SCAI: variants seen among roughly 807,000 people sequenced by gnomAD.
The protein encoded by SCAI is suppressor of cancer cell invasion.
A neutral mutation model predicts 92.2 loss-of-function variants in SCAI; 24 were observed. The observed-to-expected ratio is 0.26, with a 90% confidence interval of 0.19 to 0.37. SCAI has a LOEUF of 0.37. Ranked by LOEUF, SCAI falls within the 10% of genes least tolerant of loss-of-function variation. The probability of loss-of-function intolerance (pLI) is 1.00; values close to 1 mark genes in which losing one functional copy is unlikely to be tolerated. For synonymous variants in SCAI, 261 were observed against 258.6 expected, an observed-to-expected ratio of 1.01 and a Z score of -0.09; for missense variants, 450 against 736.2, an observed-to-expected ratio of 0.61 and a Z score of 4.50.
chr9:125,039,385 C>CAAA (rs58716034), intron 3 of SCAI, among the ~76,000 whole-genome samples: 1 of 48,338 alleles, frequency 2.1e-5, no homozygotes, highest in African/African-American at 8.6e-5. Context: ...GACTCCATCT[C>CAAA]AAAAAAAAAA....
chr9:125,039,676 CCT>C (rs1833280243), intron 3 of SCAI, among the ~76,000 whole-genome samples: 1 of 152,184 alleles, frequency 6.6e-6, no homozygotes, highest in Admixed American at 6.5e-5. Flanking sequence ...TGGTCTGTGG[CCT>C]CTCTCAAATG....
chr9:124,986,431 T>G (rs906786064), intron 14 of SCAI, among the ~76,000 whole-genome samples: 2 of 151,924 alleles, frequency 1.3e-5, no homozygotes, highest in African/African-American at 2.4e-5. Flanking sequence ...GAAGAGAAAA[T>G]TTTTGAACTA....
intron 14 of SCAI, among the ~76,000 whole-genome samples, chr9:124,983,970 G>C (rs1358038697): frequency 1.3e-5 from 2 of 152,206 alleles, no homozygotes; most frequent in African/African-American, 2.4e-5. Flanking sequence ...GCTTAGAACA[G>C]TGCATATTGC....
In SCAI at chr9:125,020,426, T is replaced by C. The variant is rs147557035; in HGVS notation, c.609+247A>G. Among the ~76,000 whole-genome samples the C allele has an allele frequency of 2.2e-4, 33 of 152,328 alleles. No homozygotes were observed. In the East Asian group the frequency reaches 5.6e-3, roughly 26 times the overall value. ...ATTCCCAGCCATCCACTGATGGGCT[T>C]TGAAATGTAAAACATGCAGAAAGGA... On this transcript the variant is annotated intron_variant, in intron 7 of 17. Coordinates refer to ENST00000336505, the MANE Select transcript of SCAI (RefSeq NM_001144877.3).
At chr9:125,057,800 A>G (rs1160608439) in intron 2 of SCAI, among the ~76,000 whole-genome samples, 1 of 152,210 alleles carries the variant, frequency 6.6e-6, no homozygotes, top group African/African-American at 2.4e-5. Flanking sequence ...AGGATCAAAT[A>G]AGATCTATTA....
At chr9:125,009,738 A>C in intron 9 of SCAI, among the ~76,000 whole-genome samples, 1 of 151,732 alleles carries the variant, frequency 6.6e-6, no homozygotes, top group Non-Finnish European at 1.5e-5. Flanking sequence ...AAAATACAAA[A>C]ATTAGCTGGG....
At chr9:124,984,158 G>A (rs1399310437) in intron 14 of SCAI, among the ~76,000 whole-genome samples, 1 of 152,160 alleles carries the variant, frequency 6.6e-6, no homozygotes, top group Admixed American at 6.5e-5. Flanking sequence ...TCAAGGCAGA[G>A]GGAAAAGAAT....
At chr9:124,982,724 C>T (rs1284473111) in intron 14 of SCAI, among the ~76,000 whole-genome samples, 1 of 150,542 alleles carries the variant, frequency 6.6e-6, no homozygotes, top group Non-Finnish European at 1.5e-5. Flanking sequence ...CCCAGAAGGG[C>T]TAGAAGCCTT....
chr9:125,062,615 T>A (rs929088292), intron 2 of SCAI, among the ~76,000 whole-genome samples: 3 of 149,688 alleles, frequency 2.0e-5, no homozygotes, highest in African/African-American at 7.4e-5. Flanking sequence ...ATTAGCTGGG[T>A]GTGGTGGCAC....
chr9:125,143,438 C>A lies in SCAI; in HGVS notation c.-1G>T. ...GGGGCTGCCGGGCTCCTCTGACCAT[C>A]CGGCTCCTGCTCCGCCGCGGGAGCT... On this transcript the variant is annotated 5_prime_UTR_variant, in exon 1 of 18. Coordinates refer to ENST00000336505, the MANE Select transcript of SCAI (RefSeq NM_001144877.3). 7.2e-7 allele frequency: 1 copy of A among 1,385,730 alleles called. No homozygotes were observed. The highest frequency in any genetic ancestry group is 1.5e-5 in the African/African-American group (1 of 66,740). 85.8% of individuals were successfully genotyped at this position (1,385,730 alleles called of 1,614,324 possible).
At chr9:125,117,775 C>G (rs1835077909) in intron 2 of SCAI, among the ~76,000 whole-genome samples, 2 of 151,864 alleles carry the variant, frequency 1.3e-5, no homozygotes, top group Non-Finnish European at 1.5e-5. Context: ...TCAATAAACC[C>G]TCACAGGAAA....
At chr9:125,046,242 T>C (rs1202097476) in intron 3 of SCAI, among the ~76,000 whole-genome samples, 6 of 98,252 alleles carry the variant, frequency 6.1e-5, no homozygotes, top group Non-Finnish European at 1.3e-4. Context: ...CACATATATA[T>C]ACATATATAT....
chr9:125,061,248 G>T (rs1833763143), intron 2 of SCAI, among the ~76,000 whole-genome samples: 2 of 152,054 alleles, frequency 1.3e-5, no homozygotes, highest in Admixed American at 1.3e-4. Flanking sequence ...AATGAGCAGA[G>T]ATCGCGCGAC....
At chr9:125,066,603 C>T (rs1564399600) in intron 2 of SCAI, among the ~76,000 whole-genome samples, 1 of 152,068 alleles carries the variant, frequency 6.6e-6, no homozygotes, top group East Asian at 1.9e-4. Flanking sequence ...CTACAGGTGC[C>T]TGCCACCGCG....
chr9:124,985,807 G>A (rs1831978377), intron 14 of SCAI, among the ~76,000 whole-genome samples: 1 of 150,984 alleles, frequency 6.6e-6, no homozygotes, highest in Non-Finnish European at 1.5e-5. Flanking sequence ...AGGTTGCAGT[G>A]AGGTGAGATC....
At chr9:124,990,028 G>A (rs1257097254) in intron 14 of SCAI, among the ~76,000 whole-genome samples, 1 of 151,114 alleles carries the variant, frequency 6.6e-6, no homozygotes, top group African/African-American at 2.4e-5. Flanking sequence ...TACAAAATTA[G>A]CCAGGTGTGG....
At chr9:125,061,270 C>T (rs1815335623) in intron 2 of SCAI, among the ~76,000 whole-genome samples, 1 of 152,064 alleles carries the variant, frequency 6.6e-6, no homozygotes, top group South Asian at 2.1e-4. Flanking sequence ...GCACTCCAGC[C>T]TGGGCGATAC....
chr9:125,048,027 G>A (rs1027203939), intron 3 of SCAI, among the ~76,000 whole-genome samples: 1 of 151,852 alleles, frequency 6.6e-6, no homozygotes, highest in African/African-American at 2.4e-5. Context: ...TGCCCAGGCT[G>A]GAATGCAATG....
At chr9:124,982,104 C>T (rs983602650) in intron 14 of SCAI, among the ~76,000 whole-genome samples, 12 of 152,134 alleles carry the variant, frequency 7.9e-5, no homozygotes, top group Non-Finnish European at 1.8e-4. Flanking sequence ...CTAATTTTGT[C>T]TGGAAACAGT....
Sources: gnomAD v4.1 joint callset for allele counts (sites outside exome capture counted in the v4.1 genomes callset) on GRCh38, gnomAD v4.1.1 for gene constraint, MANE v1.5 for transcripts, NCBI Gene and HGNC (gene_info 2026-07-23, HGNC 2026-07-21) for gene names.